The following DENND6A variants were observed in gnomAD, a reference collection of about 807,000 sequenced individuals.
DENND6A encodes the protein DENN domain containing 6A.
In DENND6A, 43 loss-of-function variants were observed where a neutral mutation model predicts 95.5. The ratio of observed to expected loss-of-function variants is 0.45; its 90% confidence interval spans 0.35 to 0.58. The LOEUF (loss-of-function observed/expected upper bound fraction) is 0.58. Among genes scored for constraint, DENND6A ranks in the 20% least tolerant of loss-of-function variants. The probability of loss-of-function intolerance (pLI) is 0.00; values close to 1 mark genes in which losing one functional copy is unlikely to be tolerated. For synonymous variants in DENND6A, 257 were observed against 260.4 expected, an observed-to-expected ratio of 0.99 and a Z score of 0.13; for missense variants, 574 against 736.0, an observed-to-expected ratio of 0.78 and a Z score of 2.55.
At chr3:57,692,746 G>A (rs763233515) in intron 1 of DENND6A, 36 bp downstream of exon 1, 3 of 1,414,200 alleles carry the variant, frequency 2.1e-6, no homozygotes, top group Non-Finnish European at 1.8e-6. Context: ...CCGGCGCAGG[G>A]GAGGAGCGCC....
At chr3:57,635,201 G>C (rs2070765776) in intron 12 of DENND6A, among the ~76,000 whole-genome samples, 1 of 101,244 alleles carries the variant, frequency 9.9e-6, no homozygotes, top group Non-Finnish European at 2.1e-5. Context: ...GGTTTGTGGG[G>C]TTTTGTTTTG....
intron 1 of DENND6A, among the ~76,000 whole-genome samples, chr3:57,684,288 C>T (rs1455236414): frequency 1.3e-5 from 2 of 151,850 alleles, no homozygotes; most frequent in African/African-American, 2.4e-5. Flanking sequence ...GGTGAAACCC[C>T]GTCGTCTCTA....
intron 11 of DENND6A, among the ~76,000 whole-genome samples, chr3:57,642,425 A>G (rs938259827): frequency 6.6e-6 from 1 of 151,954 alleles, no homozygotes; most frequent in African/African-American, 2.4e-5. Flanking sequence ...GACGTGAAAG[A>G]TGAGTGGGCG....
chr3:57,665,194 G>A (rs1422749743), intron 4 of DENND6A, among the ~76,000 whole-genome samples: 1 of 152,110 alleles, frequency 6.6e-6, no homozygotes, highest in African/African-American at 2.4e-5. Context: ...GGACAAGGAA[G>A]TAGTACTATA....
chr3:57,655,437 T>C (rs1280970632), intron 9 of DENND6A, among the ~76,000 whole-genome samples: 2 of 152,172 alleles, frequency 1.3e-5, no homozygotes, highest in African/African-American at 2.4e-5. Flanking sequence ...AAGGTGTTAG[T>C]GATGGGGGTA....
chr3:57,644,674 C>T (rs1179719158), intron 11 of DENND6A, among the ~76,000 whole-genome samples: 1 of 110,022 alleles, frequency 9.1e-6, no homozygotes, highest in African/African-American at 3.4e-5. Context: ...GCAGACCAGC[C>T]TGGGCAACAG....
chr3:57,652,191 C>T (rs2071224149), intron 9 of DENND6A, among the ~76,000 whole-genome samples: 1 of 152,182 alleles, frequency 6.6e-6, no homozygotes, highest in South Asian at 2.1e-4. Flanking sequence ...GTAGAAATGA[C>T]AATGTACAAC....
At chr3:57,636,974 G>C (rs924199296) in intron 12 of DENND6A, among the ~76,000 whole-genome samples, 1 of 151,144 alleles carries the variant, frequency 6.6e-6, no homozygotes, top group South Asian at 2.1e-4. Flanking sequence ...TCCATAGGAA[G>C]GAGAAAAGGC....
Position 57,663,990 on chromosome 3 carries a change from C to T in DENND6A, c.433-274G>A, listed in dbSNP as rs992121278. Among the ~76,000 whole-genome samples the T allele has an allele frequency of 6.6e-5, 10 of 151,034 alleles. No homozygotes were observed. In the East Asian group the frequency reaches 2.0e-3, roughly 30 times the overall value. On this transcript the variant is annotated intron_variant, in intron 4 of 19. Transcript: ENST00000311128. The stretch of plus-strand genomic sequence containing the variant: ...AAACAAAAAAACCCTCCTAACTTGC[C>T]CAAAGATGGCAAAGTACTAATTACA...
At position 57,628,047 on chromosome 3, in the gene DENND6A, G is replaced by A; in HGVS notation, c.*167C>T. 1 of 851,670 alleles carries A rather than the reference G, an allele frequency of 1.2e-6. No individual in the cohort carries two copies. The highest frequency in any genetic ancestry group is 1.7e-6 in the Non-Finnish European group (1 of 585,404). 52.8% of individuals were successfully genotyped at this position (851,670 alleles called of 1,614,324 possible). On this transcript the variant is annotated 3_prime_UTR_variant, in exon 20 of 20. Transcript: ENST00000311128. ...ACAGATATCCACTTTAAAAAGTAATGCACTAAAAAGGTCTGTTTATACAAT... is the reference window on the plus strand; with the variant it reads ...ACAGATATCCACTTTAAAAAGTAATACACTAAAAAGGTCTGTTTATACAAT...
chr3:57,689,338 A>G (rs2077240084), intron 1 of DENND6A, among the ~76,000 whole-genome samples: 1 of 152,228 alleles, frequency 6.6e-6, no homozygotes, highest in Non-Finnish European at 1.5e-5. Context: ...ACTTGAATAA[A>G]TAAGGTAATT....
At chr3:57,666,318 A>G in intron 3 of DENND6A, 83 bp from the exon 4 acceptor site, 1 of 1,094,662 alleles carries the variant, frequency 9.1e-7, no homozygotes, top group Admixed American at 2.6e-5. Context: ...GCTGAAAAAA[A>G]TCCTATCAAT....
At chr3:57,666,486 C>A (rs2071526239) in intron 3 of DENND6A, among the ~76,000 whole-genome samples, 1 of 152,142 alleles carries the variant, frequency 6.6e-6, no homozygotes, top group Non-Finnish European at 1.5e-5. Flanking sequence ...TATTCCATAT[C>A]CCTCATGTAA....
chr3:57,655,853 G>A (rs911748965), intron 9 of DENND6A, among the ~76,000 whole-genome samples: 6 of 152,052 alleles, frequency 3.9e-5, no homozygotes, highest in African/African-American at 7.2e-5. Flanking sequence ...ACAATAAAGC[G>A]TAAGACTCAT....
chr3:57,645,721 C>A lies in DENND6A; in HGVS notation c.977G>T (p.Arg326Leu). Residue 326 changes from arginine (R) to leucine (L), a missense_variant, in exon 11 of 20, where the codon CGA becomes CTA. Coordinates refer to ENST00000311128, the MANE Select transcript of DENND6A (RefSeq NM_152678.3). ...ACTATCATGAATAGTGAAATAAGGT[C>A]GGAAATCACTGAAGTACTTTAATGG... ...ISPLKYFSDFRPYFTIHDSEF... is the reference protein window; with the variant it reads ...ISPLKYFSDFLPYFTIHDSEF... The A allele has an allele frequency of 6.2e-7, 1 of 1,613,108 alleles. No homozygotes were observed. The highest frequency in any genetic ancestry group is 1.1e-5 in the South Asian group (1 of 90,964).
rs2071642756 is a variant in DENND6A at position 57,672,965 on chromosome 3, T to TCAC, written c.238-530_238-528dup. Among the ~76,000 whole-genome samples, 5 of 151,968 alleles carry TCAC rather than the reference T, an allele frequency of 3.3e-5. No individual in the cohort carries two copies. In the South Asian group the frequency reaches 1.0e-3, roughly 32 times the overall value. Reference sequence around the variant, plus strand: ...TGAAATCCAGGCCAGGCATATTGGCTCACACCTGTAATCTCAGCACTTTGG... The same window carrying TCAC: ...TGAAATCCAGGCCAGGCATATTGGCTCACCACACCTGTAATCTCAGCACTTTGG... On this transcript the variant is annotated intron_variant, in intron 1 of 19. Transcript: ENST00000311128.
At chr3:57,659,490 TAC>T (rs986145872) in intron 7 of DENND6A, among the ~76,000 whole-genome samples, 1 of 152,150 alleles carries the variant, frequency 6.6e-6, no homozygotes, top group African/African-American at 2.4e-5. Context: ...TTCATTAATA[TAC>T]ACACACCCAA....
intron 1 of DENND6A, among the ~76,000 whole-genome samples, chr3:57,683,050 T>C (rs369045436): frequency 2.6e-5 from 4 of 152,214 alleles, no homozygotes; most frequent in East Asian, 1.9e-4. Flanking sequence ...ATCTACTGAT[T>C]AACATAATAG....
At chr3:57,663,429 A>T (rs1348004073) in intron 5 of DENND6A, among the ~76,000 whole-genome samples, 1 of 126,332 alleles carries the variant, frequency 7.9e-6, no homozygotes, top group Non-Finnish European at 1.6e-5. Flanking sequence ...GTGCCTCTGC[A>T]CTCCAGCCTG....
Sources: allele counts gnomAD v4.1 joint callset (sites outside exome capture counted in the v4.1 genomes callset), GRCh38; gene constraint gnomAD v4.1.1; transcripts MANE v1.5; gene names NCBI Gene and HGNC (gene_info 2026-07-23, HGNC 2026-07-21).